ATXN1: variants seen among roughly 807,000 people sequenced by gnomAD.
ATXN1 encodes the protein ataxin 1, also known as ataxin-1.
A neutral mutation model predicts 56.4 loss-of-function variants in ATXN1; 8 were observed. That is an observed-to-expected ratio of 0.14 (90% confidence interval 0.08 to 0.26). ATXN1 has a LOEUF of 0.26. Among genes scored for constraint, ATXN1 ranks in the 10% least tolerant of loss-of-function variants. The pLI, the probability that ATXN1 is intolerant of heterozygous loss-of-function variation, is 1.00. For synonymous variants in ATXN1, 514 were observed against 494.6 expected, an observed-to-expected ratio of 1.04 and a Z score of -0.52; for missense variants, 987 against 1,106.5, an observed-to-expected ratio of 0.89 and a Z score of 1.53.
At chr6:16,675,696 C>T (rs909390305) in intron 2 of ATXN1, among the ~76,000 whole-genome samples, 4 of 151,938 alleles carry the variant, frequency 2.6e-5, no homozygotes, top group African/African-American at 9.7e-5. Context: ...GTCTGACTGA[C>T]ATGGTGAAGC....
intron 7 of ATXN1, among the ~76,000 whole-genome samples, chr6:16,314,577 T>C (rs1760468217): frequency 6.6e-6 from 1 of 152,120 alleles, no homozygotes; most frequent in African/African-American, 2.4e-5. Context: ...CCCATATGGG[T>C]ATTCTCTATG....
At position 16,306,347 on chromosome 6, in the gene ATXN1, C is replaced by T. The variant is rs1760248919; in HGVS notation, c.2430G>A (p.Arg810=). 6.2e-7 allele frequency: 1 copy of T among 1,609,478 alleles called. No individual in the cohort carries two copies. Residue 810 remains arginine, a synonymous_variant, in exon 8 of 8, where the codon CGG becomes CGA. Transcript: ENST00000436367. This position sits in a 1 kb window ranked among gnomAD's most constrained non-coding sequence, Gnocchi z 5.2. ...PQEVKICIEG[R]SNVGK ...GCTGCCTCTACTTGCCTACATTAGA[C>T]CGGCCTTCAATGCAAATCTTAACCT...
chr6:16,546,050 T>C (rs943317660), intron 4 of ATXN1, among the ~76,000 whole-genome samples: 2 of 152,002 alleles, frequency 1.3e-5, no homozygotes, highest in African/African-American at 2.4e-5. Flanking sequence ...TCCTTCAGAG[T>C]AGTGAGTCTG....
At chr6:16,447,349 T>C (rs1759656923) in intron 6 of ATXN1, among the ~76,000 whole-genome samples, 1 of 152,080 alleles carries the variant, frequency 6.6e-6, no homozygotes, top group Non-Finnish European at 1.5e-5. Flanking sequence ...CTCAGCCTCC[T>C]GAGTAGCTGG....
rs780323436 is a variant in ATXN1, at chr6:16,328,060, C to T, written c.251G>A (p.Gly84Glu). 1 of 1,613,304 alleles carries T rather than the reference C, an allele frequency of 6.2e-7. No homozygotes were observed. The highest frequency in any genetic ancestry group is 1.1e-5 in the South Asian group (1 of 91,002). The change falls in exon 7 of 8, where the codon GGG becomes GAG. Residue 84 changes from glycine (G) to glutamate (E), a missense_variant. This residue lies in a region of ATXN1 where 723 missense variants were observed against 791.7 expected (regional missense o/e 0.91). Transcript: ENST00000436367. The surrounding 1 kb of genome is among the most constrained non-coding windows in gnomAD (Gnocchi z 6.2). ...GIGLHKALST[G>E]LDYSPPSAPR... Reference sequence around the variant, plus strand: ...AGCGCTGGGCGGGGAGTAGTCCAGCCCTGTGGACAATGCTTTGTGTAAACC... The same window carrying T: ...AGCGCTGGGCGGGGAGTAGTCCAGCTCTGTGGACAATGCTTTGTGTAAACC...
chr6:16,681,056 A>C (rs1758802895), intron 2 of ATXN1, among the ~76,000 whole-genome samples: 1 of 152,326 alleles, frequency 6.6e-6, no homozygotes, highest in African/African-American at 2.4e-5. Context: ...GGAATATAGG[A>C]GCTACCTAAT....
chr6:16,730,150 G>A (rs1759936186), intron 2 of ATXN1, among the ~76,000 whole-genome samples: 1 of 152,140 alleles, frequency 6.6e-6, no homozygotes, highest in African/African-American at 2.4e-5. Flanking sequence ...GGGCATGGTG[G>A]TGCACGCCTG....
At chr6:16,660,832 GTTTTTT>G (rs754718969) in intron 2 of ATXN1, among the ~76,000 whole-genome samples, 2 of 93,020 alleles carry the variant, frequency 2.2e-5, no homozygotes, top group East Asian at 6.9e-4. Context: ...TTTTGTTTTG[GTTTTTT>G]TTTTTTTTTT....
At chr6:16,675,726 AT>A (rs1384532001) in intron 2 of ATXN1, among the ~76,000 whole-genome samples, 1 of 151,910 alleles carries the variant, frequency 6.6e-6, no homozygotes, top group Admixed American at 6.6e-5. Context: ...ACTAAAAAAA[AT>A]ATATAAAAAA....
rs1760889058 is a variant in ATXN1 at position 16,328,073 on chromosome 6, C to G, written c.238G>C (p.Ala80Pro). ...GLQQGIGLHK[A>P]LSTGLDYSPP... ...GAGTAGTCCAGCCCTGTGGACAATGCTTTGTGTAAACCTATTCCCTGTTGT... is the reference window on the plus strand; with the variant it reads ...GAGTAGTCCAGCCCTGTGGACAATGGTTTGTGTAAACCTATTCCCTGTTGT... The change falls in exon 7 of 8, where the codon GCA (alanine) becomes CCA (proline). Residue 80 changes from alanine to proline, a missense_variant. Transcript: ENST00000436367. This position sits in a 1 kb window ranked among gnomAD's most constrained non-coding sequence, Gnocchi z 6.2. 2.5e-6 allele frequency: 4 copies of G among 1,612,828 alleles called. No homozygotes were observed. Among genetic ancestry groups the G allele is most frequent in the Middle Eastern group, 1.7e-4 (1 of 6,052 alleles).
intron 6 of ATXN1, among the ~76,000 whole-genome samples, chr6:16,387,878 C>A (rs1290459158): frequency 1.3e-5 from 2 of 152,094 alleles, no homozygotes; most frequent in African/African-American, 4.8e-5. Context: ...AGGTAGTGTA[C>A]AATACACAAC....
intron 1 of ATXN1, among the ~76,000 whole-genome samples, chr6:16,759,538 T>C (rs1028229829): frequency 3.5e-5 from 5 of 142,282 alleles, no homozygotes; most frequent in African/African-American, 1.3e-4. Flanking sequence ...CTGTTTTTTT[T>C]TTTTTTTTTT....
At chr6:16,357,222 ATT>A (rs1205573008) in intron 6 of ATXN1, among the ~76,000 whole-genome samples, 1 of 146,202 alleles carries the variant, frequency 6.8e-6, no homozygotes, top group African/African-American at 2.5e-5. Context: ...TTTTATTTTT[ATT>A]TTATTATTTT....
At chr6:16,549,617 G>T (rs1761878785) in intron 4 of ATXN1, among the ~76,000 whole-genome samples, 1 of 152,092 alleles carries the variant, frequency 6.6e-6, no homozygotes, top group Admixed American at 6.6e-5. Context: ...AGGCATGCTG[G>T]CCAGGTGCAG....
chr6:16,328,083 A>G lies in ATXN1; in HGVS notation c.228T>C (p.Gly76=). 1 of 1,608,044 alleles carries G rather than the reference A, an allele frequency of 6.2e-7. No homozygotes were observed. The highest frequency in any genetic ancestry group is 8.5e-7 in the Non-Finnish European group (1 of 1,175,532). The change falls in exon 7 of 8, where the codon GGT becomes GGC. Residue 76 remains glycine, a synonymous_variant. Transcript: ENST00000436367. This position sits in a 1 kb window ranked among gnomAD's most constrained non-coding sequence, Gnocchi z 6.2. ...GCCCTGTGGACAATGCTTTGTGTAA[A>G]CCTATTCCCTGTTGTAAACCAAGCT... ...SVELGLQQGI[G]LHKALSTGLD...
intron 3 of ATXN1, among the ~76,000 whole-genome samples, chr6:16,651,525 C>G (rs921952342): frequency 1.5e-5 from 2 of 131,014 alleles, no homozygotes; most frequent in East Asian, 2.2e-4. Flanking sequence ...GCGTGGGTGA[C>G]AGAGAGAGAC....
At chr6:16,708,702 A>G (rs1382441967) in intron 2 of ATXN1, among the ~76,000 whole-genome samples, 1 of 152,184 alleles carries the variant, frequency 6.6e-6, no homozygotes, top group Non-Finnish European at 1.5e-5. Context: ...AACAGAAAAA[A>G]AAAGAAGACG....
At chr6:16,736,784 A>G (rs1225485787) in intron 2 of ATXN1, 3 of 152,248 alleles carry the variant, frequency 2.0e-5, no homozygotes, top group Non-Finnish European at 4.4e-5. Context: ...TTTCGGGTAC[A>G]TACGAACAGC....
At chr6:16,331,557 A>G (rs1413632960) in intron 6 of ATXN1, among the ~76,000 whole-genome samples, 1 of 152,154 alleles carries the variant, frequency 6.6e-6, no homozygotes, top group Non-Finnish European at 1.5e-5. Context: ...GGGTTTCATG[A>G]GGGATATTTA....
Sources: allele counts gnomAD v4.1 joint callset (sites outside exome capture counted in the v4.1 genomes callset), GRCh38; gene constraint gnomAD v4.1.1; regional missense constraint gnomAD v4.1.1; non-coding constraint Gnocchi (gnomAD v3.1); transcripts MANE v1.5; gene names NCBI Gene and HGNC (gene_info 2026-07-23, HGNC 2026-07-21).